DIP2C: variants seen among roughly 807,000 people sequenced by gnomAD.
The protein encoded by DIP2C is DIP2 acetate--CoA ligase C (putative).
Under a neutral mutation model 192.4 loss-of-function variants are expected in DIP2C, and 33 were observed. The ratio of observed to expected loss-of-function variants is 0.17; its 90% CI spans 0.13 to 0.23. The LOEUF (loss-of-function observed/expected upper bound fraction) is 0.23, where lower values mean the gene tolerates loss of function less well. DIP2C is among the 10% of genes least tolerant of loss of function. The pLI is 1.00. For missense variants in DIP2C, 1,537 were observed against 2,110.1 expected (o/e 0.73, Z 5.32); for synonymous variants, 979 against 864.1 (o/e 1.13, Z -2.33).
intron 22 of DIP2C, among the ~76,000 whole-genome samples, chr10:359,841 G>A (rs1022806821): frequency 1.3e-5 from 2 of 152,102 alleles, no homozygotes; most frequent in Non-Finnish European, 2.9e-5. Context: ...GGCTGGTCTC[G>A]AAGTCCTGGG....
At chr10:579,339 T>C (rs1850414326) in intron 1 of DIP2C, among the ~76,000 whole-genome samples, 1 of 151,784 alleles carries the variant, frequency 6.6e-6, no homozygotes, top group African/African-American at 2.4e-5. Context: ...ACATGCATAG[T>C]GTACACACAC....
chr10:447,448 G>A (rs534884733), intron 3 of DIP2C, among the ~76,000 whole-genome samples: 3 of 150,102 alleles, frequency 2.0e-5, no homozygotes, highest in Non-Finnish European at 4.4e-5. Flanking sequence ...CACACACAGT[G>A]GGGCAGCAGG....
chr10:420,605 G>A (rs1379408901), intron 5 of DIP2C, among the ~76,000 whole-genome samples: 1 of 152,236 alleles, frequency 6.6e-6, no homozygotes, highest in African/African-American at 2.4e-5. Flanking sequence ...TAGATGGACA[G>A]CGGGTAGAGC....
At chr10:491,708 G>A (rs1161880695) in intron 1 of DIP2C, among the ~76,000 whole-genome samples, 1 of 152,228 alleles carries the variant, frequency 6.6e-6, no homozygotes, top group Admixed American at 6.5e-5. Flanking sequence ...AAACACACAG[G>A]ATGTGAAGGT....
At chr10:585,137 T>A (rs1850938221) in intron 1 of DIP2C, among the ~76,000 whole-genome samples, 1 of 152,156 alleles carries the variant, frequency 6.6e-6, no homozygotes, top group African/African-American at 2.4e-5. Flanking sequence ...GGAACAAGGG[T>A]ACTTTTCCCT....
At chr10:309,704 G>A (rs1956488740) in intron 32 of DIP2C, among the ~76,000 whole-genome samples, 1 of 151,996 alleles carries the variant, frequency 6.6e-6, no homozygotes, top group Non-Finnish European at 1.5e-5. Flanking sequence ...GATGACAAGT[G>A]CCCGCCACCA....
chr10:523,789 G>T lies in DIP2C; in HGVS notation c.86-37259C>A, dbSNP rs1185809325. 2.0e-5 allele frequency among the ~76,000 whole-genome samples: 3 copies of T among 152,232 alleles called. No homozygotes were observed. The East Asian group carries it at 5.8e-4, about 29-fold the overall frequency. ...CACGCCCGTTTCCACCTGACGCAAA[G>T]GACCCTGGAGCGAGGATGCAGGGAC... On this transcript the variant is annotated intron_variant, in intron 1 of 36. Transcript: ENST00000280886.
At chr10:521,939 C>T (rs770197417) in intron 1 of DIP2C, among the ~76,000 whole-genome samples, 3 of 152,008 alleles carry the variant, frequency 2.0e-5, no homozygotes, top group Non-Finnish European at 4.4e-5. Flanking sequence ...CACAGCACCA[C>T]CACCCAGAGT....
At chr10:395,129 GTT>G (rs1963877101) in intron 10 of DIP2C, among the ~76,000 whole-genome samples, 7 of 101,224 alleles carry the variant, frequency 6.9e-5, no homozygotes, top group Admixed American at 1.1e-4. Flanking sequence ...GGAGGGAGGA[GTT>G]GGGGGAGGGA....
chr10:555,528 G>A (rs903832439), intron 1 of DIP2C, among the ~76,000 whole-genome samples: 22 of 152,136 alleles, frequency 1.4e-4, no homozygotes, highest in African/African-American at 5.1e-4. Context: ...GACAGGACTG[G>A]CCCACCCTGG....
intron 1 of DIP2C, among the ~76,000 whole-genome samples, chr10:618,178 T>C (rs920768247): frequency 2.7e-4 from 41 of 152,258 alleles, no homozygotes; most frequent in Admixed American, 6.5e-5. Context: ...ATCTGCCAAG[T>C]TGTAAAGCCT....
chr10:603,297 TCAAAAA>T (rs1244552953), intron 1 of DIP2C, among the ~76,000 whole-genome samples: 37 of 32,986 alleles, frequency 1.1e-3, no homozygotes, highest in Non-Finnish European at 1.6e-3. Flanking sequence ...AGACTCCATC[TCAAAAA>T]AAAAAAAAAA....
chr10:429,681 T>C (rs1966835936), intron 4 of DIP2C, among the ~76,000 whole-genome samples: 1 of 151,552 alleles, frequency 6.6e-6, no homozygotes, highest in African/African-American at 2.4e-5. Context: ...AAGAAGTCAA[T>C]TTAAGTTTCC....
chr10:605,783 A>G (rs1231020194), intron 1 of DIP2C, among the ~76,000 whole-genome samples: 2 of 152,232 alleles, frequency 1.3e-5, no homozygotes, highest in Non-Finnish European at 2.9e-5. Context: ...GGGCTATGAT[A>G]CTCAACAAGG....
At chr10:451,204 A>G (rs1968817897) in intron 3 of DIP2C, among the ~76,000 whole-genome samples, 1 of 152,200 alleles carries the variant, frequency 6.6e-6, no homozygotes, top group Admixed American at 6.5e-5. Context: ...GCCTGAACAG[A>G]TCATTCGATT....
At chr10:557,915 G>C (rs1466947388) in intron 1 of DIP2C, among the ~76,000 whole-genome samples, 1 of 147,028 alleles carries the variant, frequency 6.8e-6, no homozygotes, top group Non-Finnish European at 1.5e-5. Context: ...GAAGGGGGCG[G>C]GGAAGGGGGA....
chr10:606,840 G>T (rs1175753812), intron 1 of DIP2C, among the ~76,000 whole-genome samples: 1 of 152,178 alleles, frequency 6.6e-6, no homozygotes. Flanking sequence ...TCTGGTGGGC[G>T]TCAGTGACGG....
intron 3 of DIP2C, among the ~76,000 whole-genome samples, chr10:470,693 A>G (rs1970558535): frequency 6.6e-6 from 1 of 152,220 alleles, no homozygotes; most frequent in Non-Finnish European, 1.5e-5. Context: ...GAGAGAATGT[A>G]GGAAACACGC....
intron 9 of DIP2C, among the ~76,000 whole-genome samples, chr10:406,961 C>T (rs1198711413): frequency 6.6e-6 from 1 of 152,066 alleles, no homozygotes; most frequent in Non-Finnish European, 1.5e-5. Flanking sequence ...CTCAGTTCGA[C>T]CCCCTACGAT....
Sources: allele counts gnomAD v4.1 joint callset (sites outside exome capture counted in the v4.1 genomes callset), GRCh38; gene constraint gnomAD v4.1.1; transcripts MANE v1.5; gene names NCBI Gene and HGNC (gene_info 2026-07-23, HGNC 2026-07-21).